ZNF789: variants seen among roughly 807,000 people sequenced by gnomAD.
ZNF789 encodes the protein zinc finger protein 789.
Under a neutral mutation model 15.6 loss-of-function variants are expected in ZNF789, and 11 were observed. The ratio of observed to expected loss-of-function variants is 0.70; its 90% CI spans 0.44 to 1.16. The LOEUF (loss-of-function observed/expected upper bound fraction) is 1.16. Among genes scored for constraint, ZNF789 ranks in the 50% most tolerant of loss-of-function variants. The pLI is 0.00. For missense variants in ZNF789, 461 were observed against 512.6 expected (o/e 0.90, Z 0.97); for synonymous variants, 159 against 176.0 (o/e 0.90, Z 0.76).
At chr7:99,477,809 A>G (rs1449659387) in intron 2 of ZNF789, among the ~76,000 whole-genome samples, 1 of 152,170 alleles carries the variant, frequency 6.6e-6, no homozygotes, top group Admixed American at 6.5e-5. Context: ...TTAGCTGGGT[A>G]TAGTGGCGCA....
chr7:99,486,099 CCT>C (rs1398552809), intron 4 of ZNF789, among the ~76,000 whole-genome samples: 1 of 152,158 alleles, frequency 6.6e-6, no homozygotes, highest in African/African-American at 2.4e-5. Flanking sequence ...GGGTGGATCA[CCT>C]GAGGTCAGGG....
chr7:99,479,461 C>T (rs926380607), intron 2 of ZNF789, 200 bp from the exon 3 acceptor site: 10 of 463,278 alleles, frequency 2.2e-5, no homozygotes, highest in East Asian at 1.4e-4. Context: ...TTAATTGTGT[C>T]GACCCCGTGG....
At position 99,477,463 on chromosome 7, in the gene ZNF789, C is replaced by T. The variant is rs555344755; in HGVS notation, c.24+983C>T. 2.7e-4 allele frequency among the ~76,000 whole-genome samples: 41 copies of T among 152,226 alleles called. No homozygotes were observed. The East Asian group carries it at 7.2e-3, about 27-fold the overall frequency. ...TCAGGTGATCCTCCCACCTCAGCCT[C>T]CCAAGTAGTTGGGACCACAGGTACA... On this transcript the variant is annotated intron_variant, in intron 2 of 4. Transcript: ENST00000331410.
chr7:99,479,771 G>A lies in ZNF789; in HGVS notation c.135G>A (p.Arg45=). Reference sequence around the variant, plus strand: ...GAGATGTGATGTTGGAGAACTACAGGAACATGGTCTTGCTGGGTAGGACAC... The same window carrying A: ...GAGATGTGATGTTGGAGAACTACAGAAACATGGTCTTGCTGGGTAGGACAC... ...LYRDVMLENY[R]NMVLLGFQFP... Residue 45 remains arginine, a synonymous_variant, in exon 3 of 5, where the codon AGG becomes AGA. Coordinates refer to ENST00000331410, the MANE Select transcript of ZNF789 (RefSeq NM_213603.3). The A allele has an allele frequency of 6.2e-7, 1 of 1,613,636 alleles. No homozygotes were observed. Among genetic ancestry groups the A allele is most frequent in the Non-Finnish European group, 8.5e-7 (1 of 1,179,790 alleles).
chr7:99,474,981 C>CAA (rs58636014), intron 1 of ZNF789, among the ~76,000 whole-genome samples: 12 of 138,096 alleles, frequency 8.7e-5, no homozygotes, highest in African/African-American at 2.9e-4. Flanking sequence ...GGAGACTCCT[C>CAA]AAAAAAAAAA....
chr7:99,484,367 T>C (rs1799804041), intron 4 of ZNF789, among the ~76,000 whole-genome samples: 3 of 152,328 alleles, frequency 2.0e-5, no homozygotes, highest in Admixed American at 1.3e-4. Flanking sequence ...GGCGCATTCC[T>C]GTAATCCTAC....
rs771550675 is a variant in ZNF789, at chr7:99,485,257, G to A, written c.265+1114G>A. On this transcript the variant is annotated intron_variant, in intron 4 of 4. Coordinates refer to ENST00000331410, the MANE Select transcript of ZNF789 (RefSeq NM_213603.3). ...GTTTCTCCTCCATGGCACTACTGAC[G>A]TTTTGGGCTGACGAATTCTTTGGGG... 1.7e-5 allele frequency: 26 copies of A among 1,524,100 alleles called. No individual in the cohort carries two copies. In the South Asian group the frequency reaches 2.5e-4, roughly 15 times the overall value. 94.4% of individuals were successfully genotyped at this position (1,524,100 alleles called of 1,614,324 possible). A position where few individuals can be genotyped will look rare whatever the true frequency, so the allele number is the denominator to read the frequency against.
At chr7:99,476,947 C>T (rs1261685347) in intron 2 of ZNF789, among the ~76,000 whole-genome samples, 1 of 152,088 alleles carries the variant, frequency 6.6e-6, no homozygotes, top group Non-Finnish European at 1.5e-5. Context: ...AGGAACTTCT[C>T]ATAATAAATT....
rs760084125 is a variant in ZNF789 at position 99,486,892 on chromosome 7, C to A, written c.682C>A (p.Pro228Thr). 1 of 1,614,084 alleles carries A rather than the reference C, an allele frequency of 6.2e-7. No individual in the cohort carries two copies. Among genetic ancestry groups the A allele is most frequent in the African/African-American group, 1.3e-5 (1 of 74,996 alleles). Residue 228 changes from proline (P) to threonine (T), a missense_variant, in exon 5 of 5, where the codon CCT becomes ACT. Physicochemically the swap from Pro to Thr is conservative, Grantham distance 38 (BLOSUM62 -1). Coordinates refer to ENST00000331410, the MANE Select transcript of ZNF789 (RefSeq NM_213603.3). The stretch of plus-strand genomic sequence containing the variant: ...TCAAAGAATTCACTTTTTAGAGAAT[C>A]CTTTTGAGTGTAAGGTCTGTGGGCA... The part of the protein sequence containing the change: ...QHQRIHFLEN[P>T]FECKVCGQAF...
chr7:99,481,718 A>G (rs1298368030), intron 3 of ZNF789: 3 of 168,506 alleles, frequency 1.8e-5, no homozygotes, highest in Non-Finnish European at 3.8e-5. Context: ...CAGCCTCCCA[A>G]AGTGCTGGGA....
intron 4 of ZNF789, among the ~76,000 whole-genome samples, chr7:99,484,465 T>C (rs1799809436): frequency 1.3e-5 from 2 of 151,830 alleles, no homozygotes; most frequent in South Asian, 2.1e-4. Context: ...ACTGAAAATA[T>C]AAAAATTAGC....
At position 99,487,412 on chromosome 7, in the gene ZNF789, T is replaced by C. The variant is rs766911437; in HGVS notation, c.1202T>C (p.Ile401Thr). The change falls in exon 5 of 5, where the codon ATA becomes ACA. Residue 401 changes from isoleucine to threonine, a missense_variant. Physicochemically the swap from Ile to Thr is moderately conservative, Grantham distance 89. Transcript: ENST00000331410. Reference protein sequence around the residue: ...HTGSQPYQCVICGKSFKWHTS... With the variant: ...HTGSQPYQCVTCGKSFKWHTS... Reference sequence around the variant, plus strand: ...GGAAGCCAACCCTACCAATGTGTCATATGTGGAAAATCTTTCAAGTGGCAC... The same window carrying C: ...GGAAGCCAACCCTACCAATGTGTCACATGTGGAAAATCTTTCAAGTGGCAC... 1.9e-6 allele frequency: 3 copies of C among 1,614,190 alleles called. No individual in the cohort carries two copies. The highest frequency in any genetic ancestry group is 2.2e-5 in the East Asian group (1 of 44,880).
At chr7:99,478,855 G>A (rs1470769961) in intron 2 of ZNF789, 1 of 157,852 alleles carries the variant, frequency 6.3e-6, no homozygotes, top group Non-Finnish European at 1.4e-5. Context: ...GTGGCAATGG[G>A]ATGAAGAGGG....
intron 3 of ZNF789, chr7:99,483,505 C>T (rs920121210): frequency 2.0e-6 from 1 of 509,416 alleles, no homozygotes; most frequent in African/African-American, 1.9e-5. Flanking sequence ...GGGCGCTGTG[C>T]CTGTAGTTCC....
chr7:99,476,703 C>T (rs1799355156), intron 2 of ZNF789, among the ~76,000 whole-genome samples: 1 of 152,190 alleles, frequency 6.6e-6, no homozygotes, highest in Non-Finnish European at 1.5e-5. Flanking sequence ...CCTATCACAG[C>T]GAGTTGTGAA....
intron 3 of ZNF789, 101 bp downstream of exon 3, chr7:99,479,888 A>G: frequency 6.9e-7 from 1 of 1,455,008 alleles, no homozygotes; most frequent in South Asian, 1.5e-5. Flanking sequence ...AAGCGGTGAA[A>G]ACCGAAAGGT....
At chr7:99,477,050 CT>C (rs879538663) in intron 2 of ZNF789, among the ~76,000 whole-genome samples, 1,474 of 144,624 alleles carry the variant, frequency 0.01, 10 homozygotes, top group African/African-American at 0.023. Flanking sequence ...GTTGTTTTGT[CT>C]TTTTTTTTTT....
chr7:99,473,741 C>A (rs1315759417), intron 1 of ZNF789, among the ~76,000 whole-genome samples: 1 of 152,214 alleles, frequency 6.6e-6, no homozygotes, highest in African/African-American at 2.4e-5. Flanking sequence ...CTGCCTCAGC[C>A]TCTCGAGTAG....
chr7:99,478,496 G>A, intron 2 of ZNF789: 2 of 637,656 alleles, frequency 3.1e-6, no homozygotes, highest in South Asian at 1.5e-5. Context: ...CAGGATGGGG[G>A]TGGGCATTTC....
Sources: gnomAD v4.1 joint callset for allele counts (sites outside exome capture counted in the v4.1 genomes callset) on GRCh38, gnomAD v4.1.1 for gene constraint, MANE v1.5 for transcripts, NCBI Gene and HGNC (gene_info 2026-07-23, HGNC 2026-07-21) for gene names.